EBF1: variants seen among roughly 807,000 people sequenced by gnomAD.
EBF1 encodes transcription factor COE1.
EBF1 carries 10 observed loss-of-function variants against 68.4 expected under a neutral mutation model. The observed-to-expected ratio is 0.15, with a 90% CI of 0.09 to 0.25. The LOEUF (loss-of-function observed/expected upper bound fraction) is 0.25, where lower values mean the gene tolerates loss of function less well. Ranked by LOEUF, EBF1 falls within the 10% of genes least tolerant of loss-of-function variation. The pLI, the probability that EBF1 is intolerant of heterozygous loss-of-function variation, is 1.00. For missense variants in EBF1, 509 were observed against 794.4 expected (o/e 0.64, Z 4.32); for synonymous variants, 298 against 299.8 (o/e 0.99, Z 0.06).
intron 10 of EBF1, among the ~76,000 whole-genome samples, chr5:158,752,102 CAAT>C (rs1769031490): frequency 6.6e-6 from 1 of 151,938 alleles, no homozygotes; most frequent in South Asian, 2.1e-4. Context: ...AATAGATACT[CAAT>C]AAAAGTTTAC....
At chr5:159,049,883 T>C (rs6877077) in intron 6 of EBF1, among the ~76,000 whole-genome samples, 33,834 of 152,160 alleles carry the variant, frequency 0.22, 4,019 homozygotes, top group East Asian at 0.42. Context: ...ATCCCGGTTG[T>C]CCTACAAAAC....
chr5:159,088,957 A>G (rs1357513518), intron 4 of EBF1, among the ~76,000 whole-genome samples: 1 of 152,198 alleles, frequency 6.6e-6, no homozygotes, highest in African/African-American at 2.4e-5. Flanking sequence ...TTAAGGTGAC[A>G]GGAATGCTTG....
intron 6 of EBF1, among the ~76,000 whole-genome samples, chr5:159,042,586 C>CTG (rs112231991): frequency 0.58 from 85,464 of 148,442 alleles, 25,015 homozygotes; most frequent in Non-Finnish European, 0.65. Flanking sequence ...AATTCTTTGC[C>CTG]TGTGTGTGTG....
At chr5:158,860,925 A>G (rs1290418567) in intron 6 of EBF1, among the ~76,000 whole-genome samples, 2 of 152,142 alleles carry the variant, frequency 1.3e-5, no homozygotes, top group African/African-American at 4.8e-5. Context: ...TATCACAGGG[A>G]GCAGGACACA....
chr5:158,969,730 G>A (rs1344282006), intron 6 of EBF1, among the ~76,000 whole-genome samples: 1 of 151,164 alleles, frequency 6.6e-6, no homozygotes, highest in Non-Finnish European at 1.5e-5. Flanking sequence ...AGCTGTAATC[G>A]TGCCACTGCA....
chr5:158,979,206 G>A (rs1757424976), intron 6 of EBF1, among the ~76,000 whole-genome samples: 1 of 152,160 alleles, frequency 6.6e-6, no homozygotes, highest in African/African-American at 2.4e-5. Flanking sequence ...CTATATGAAA[G>A]TGGATGTCAG....
chr5:159,095,600 C>T lies in EBF1; in HGVS notation c.411+20G>A, dbSNP rs369769684. 2 of 1,613,452 alleles carry T rather than the reference C, an allele frequency of 1.2e-6. No homozygotes were observed. The highest frequency in any genetic ancestry group is 1.7e-6 in the Non-Finnish European group (2 of 1,179,752). ...TTTTGTGACATAGAGCCCCCCGTGG[C>T]CCAAAATCAAGAAACTTACTTGTTT... is the stretch of plus-strand genomic sequence containing the variant. On this transcript the variant is annotated intron_variant, in intron 4 of 15. Transcript: ENST00000313708.
intron 6 of EBF1, among the ~76,000 whole-genome samples, chr5:158,936,786 C>T (rs1476986839): frequency 6.6e-6 from 1 of 152,260 alleles, no homozygotes; most frequent in East Asian, 1.9e-4. Flanking sequence ...TCCACTTCCC[C>T]CAGTATGAGC....
chr5:158,841,623 G>A (rs577691004), intron 6 of EBF1, among the ~76,000 whole-genome samples: 11 of 152,290 alleles, frequency 7.2e-5, no homozygotes, highest in Non-Finnish European at 8.8e-5. Context: ...GCCTCAGTCT[G>A]AATTTGGCTC....
intron 6 of EBF1, among the ~76,000 whole-genome samples, chr5:158,849,381 T>C (rs1202910794): frequency 1.3e-5 from 2 of 152,186 alleles, no homozygotes; most frequent in Non-Finnish European, 2.9e-5. Flanking sequence ...CCTCCCTGGA[T>C]CTGAAATGCC....
At chr5:158,861,815 T>A (rs1434504839) in intron 6 of EBF1, among the ~76,000 whole-genome samples, 3 of 151,916 alleles carry the variant, frequency 2.0e-5, no homozygotes, top group African/African-American at 7.3e-5. Context: ...GTGTCTAGAT[T>A]TTTTTCTTAT....
intron 6 of EBF1, among the ~76,000 whole-genome samples, chr5:159,007,509 T>G (rs1763797152): frequency 6.6e-6 from 1 of 152,152 alleles, no homozygotes; most frequent in African/African-American, 2.4e-5. Flanking sequence ...TAGCTTTGGG[T>G]CTAATCCACT....
chr5:159,084,550 A>C (rs2127982134), intron 5 of EBF1, 116 bp downstream of exon 5: 1 of 838,378 alleles, frequency 1.2e-6, no homozygotes, highest in East Asian at 2.9e-5. Flanking sequence ...GATTGTCTAT[A>C]GAAGCAAGAC....
intron 6 of EBF1, among the ~76,000 whole-genome samples, chr5:158,968,445 T>C (rs1348013881): frequency 2.6e-5 from 4 of 152,176 alleles, no homozygotes; most frequent in African/African-American, 9.7e-5. Context: ...TAAATACAAA[T>C]TATGAGAGTT....
At chr5:159,081,594 A>G (rs1043337463) in intron 5 of EBF1, among the ~76,000 whole-genome samples, 5 of 152,216 alleles carry the variant, frequency 3.3e-5, no homozygotes, top group East Asian at 3.9e-4. Flanking sequence ...AATCTGAAGG[A>G]TGGAATCAGA....
At chr5:159,028,712 G>C (rs923546564) in intron 6 of EBF1, among the ~76,000 whole-genome samples, 1 of 152,234 alleles carries the variant, frequency 6.6e-6, no homozygotes, top group Non-Finnish European at 1.5e-5. Context: ...AGGATAAATG[G>C]AGGACTGGAT....
rs554501171 is a variant in EBF1 at position 159,088,531 on chromosome 5, T to C, written c.412-3792A>G. Among the ~76,000 whole-genome samples the C allele has an allele frequency of 1.6e-3, 243 of 152,302 alleles. 2 individuals are homozygous for C. Among genetic ancestry groups the C allele is most frequent in the Non-Finnish European group, 2.7e-3 (182 of 68,008 alleles). On this transcript the variant is annotated intron_variant, in intron 4 of 15. Transcript: ENST00000313708. The stretch of plus-strand genomic sequence containing the variant: ...TGCCTCTGTGGTGTATGAGTAAAGC[T>C]GGTTGGGGTTGGATCAGCTGGGAGA...
At chr5:158,789,535 A>G (rs1245870889) in intron 9 of EBF1, among the ~76,000 whole-genome samples, 1 of 152,208 alleles carries the variant, frequency 6.6e-6, no homozygotes, top group East Asian at 1.9e-4. Context: ...TGGAAATTTC[A>G]TGAGAAAATC....
chr5:158,948,377 T>TAA (rs1028850258), intron 6 of EBF1, among the ~76,000 whole-genome samples: 2 of 146,276 alleles, frequency 1.4e-5, no homozygotes, highest in East Asian at 4.1e-4. Flanking sequence ...CTGGAATGTT[T>TAA]AAAAAAAAAA....
Sources: allele counts gnomAD v4.1 joint callset (sites outside exome capture counted in the v4.1 genomes callset), GRCh38; gene constraint gnomAD v4.1.1; transcripts MANE v1.5; gene names NCBI Gene and HGNC (gene_info 2026-07-23, HGNC 2026-07-21).